Variants in DGKI observed in about 807,000 individuals in gnomAD.
DGKI encodes the protein diacylglycerol kinase iota, also known as DAG kinase iota.
Under a neutral mutation model 147.5 loss-of-function variants are expected in DGKI, and 55 were observed. That is an observed-to-expected ratio of 0.37 (90% CI 0.30 to 0.47). The LOEUF is 0.47. DGKI is among the 20% of genes least tolerant of loss of function. The pLI, the probability that DGKI is intolerant of heterozygous loss-of-function variation, is 1.00. For synonymous variants in DGKI, 469 were observed against 477.1 expected, an observed-to-expected ratio of 0.98 and a Z score of 0.22; for missense variants, 1,007 against 1,323.8, an observed-to-expected ratio of 0.76 and a Z score of 3.71.
intron 28 of DGKI, among the ~76,000 whole-genome samples, chr7:137,439,200 T>C (rs1336775930): frequency 6.6e-6 from 1 of 152,190 alleles, no homozygotes; most frequent in South Asian, 2.1e-4. Context: ...ATTTCAGTAA[T>C]ATACATGAAA....
At chr7:137,495,404 CAAAAAAAAAAA>C (rs36073500) in intron 21 of DGKI, among the ~76,000 whole-genome samples, 1 of 108,164 alleles carries the variant, frequency 9.2e-6, no homozygotes, top group Non-Finnish European at 2.0e-5. Flanking sequence ...AACTATTTAA[CAAAAAAAAAAA>C]AAGAAAGAAA....
chr7:137,717,333 TA>T (rs1695706347), intron 1 of DGKI, among the ~76,000 whole-genome samples: 1 of 152,220 alleles, frequency 6.6e-6, no homozygotes, highest in African/African-American at 2.4e-5. Context: ...AAAAATTGCA[TA>T]TTTTTTTTCT....
chr7:137,516,910 A>G (rs1816764045), intron 21 of DGKI, among the ~76,000 whole-genome samples: 1 of 151,984 alleles, frequency 6.6e-6, no homozygotes, highest in Non-Finnish European at 1.5e-5. Flanking sequence ...ACTTATTCCT[A>G]AAGAATAGAG....
intron 1 of DGKI, among the ~76,000 whole-genome samples, chr7:137,770,240 C>A (rs1041588103): frequency 2.6e-5 from 4 of 152,056 alleles, no homozygotes; most frequent in African/African-American, 7.2e-5. Flanking sequence ...ACTGCATGTT[C>A]TCTCTCATAA....
chr7:137,384,625 T>C lies in DGKI; in HGVS notation c.*6595A>G, dbSNP rs1310350515. 1.3e-5 allele frequency: 2 copies of C among 152,080 alleles called. No homozygotes were observed. Among genetic ancestry groups the C allele is most frequent in the African/African-American group, 4.8e-5 (2 of 41,426 alleles). The allele number at this position is 152,080 out of a possible 1,614,324, so 9.4% of individuals were successfully genotyped here. A position where few individuals can be genotyped will look rare whatever the true frequency, so the allele number is the denominator to read the frequency against. On this transcript the variant is annotated 3_prime_UTR_variant, in exon 33 of 33. Coordinates refer to ENST00000614521, the MANE Select transcript of DGKI (RefSeq NM_001321708.2). ...ATTCATCTAAAATGTATTATATGCA[T>C]TATTCACCTCGTTGGGGTTGTTTTG... is the stretch of plus-strand genomic sequence containing the variant.
At chr7:137,494,441 A>G (rs1815886382) in intron 21 of DGKI, among the ~76,000 whole-genome samples, 2 of 152,216 alleles carry the variant, frequency 1.3e-5, no homozygotes, top group Non-Finnish European at 2.9e-5. Flanking sequence ...GGTCACCTAC[A>G]AAGGAAACCC....
At chr7:137,685,434 C>T (rs1020768918) in intron 2 of DGKI, among the ~76,000 whole-genome samples, 1 of 152,078 alleles carries the variant, frequency 6.6e-6, no homozygotes, top group Non-Finnish European at 1.5e-5. Flanking sequence ...GGGCTCTCTG[C>T]TGCAGTACTA....
intron 1 of DGKI, among the ~76,000 whole-genome samples, chr7:137,726,429 A>G (rs1168793516): frequency 3.9e-5 from 6 of 152,214 alleles, no homozygotes. Flanking sequence ...CTATTCTGAG[A>G]AAATCAGGTA....
intron 27 of DGKI, among the ~76,000 whole-genome samples, chr7:137,459,419 A>G (rs1364077755): frequency 6.6e-6 from 1 of 150,952 alleles, no homozygotes; most frequent in Non-Finnish European, 1.5e-5. Context: ...TTTCTTTTAA[A>G]TCAGACTTCT....
At chr7:137,486,905 C>A (rs1815582717) in intron 22 of DGKI, among the ~76,000 whole-genome samples, 1 of 152,136 alleles carries the variant, frequency 6.6e-6, no homozygotes, top group Middle Eastern at 3.4e-3. Context: ...TAATATACAT[C>A]TTTCATCAAA....
intron 25 of DGKI, 60 bp from the exon 26 acceptor site, chr7:137,466,095 G>A (rs1292064151): frequency 7.6e-6 from 12 of 1,581,796 alleles, no homozygotes; most frequent in South Asian, 1.1e-5. Flanking sequence ...TCTTGGTCTC[G>A]AGGAATAATG....
chr7:137,735,522 T>G (rs1287392431), intron 1 of DGKI, among the ~76,000 whole-genome samples: 1 of 151,174 alleles, frequency 6.6e-6, no homozygotes, highest in Middle Eastern at 3.2e-3. Flanking sequence ...GTATATCTGA[T>G]GCATATGATG....
At chr7:137,444,222 A>G (rs1262207745) in intron 27 of DGKI, 120 bp from the exon 28 acceptor site, 1 of 610,044 alleles carries the variant, frequency 1.6e-6, no homozygotes, top group East Asian at 3.3e-5. Flanking sequence ...TATAGTAGAC[A>G]GTGTAATTAA....
At chr7:137,605,374 A>ATAAAAT (rs1272348713) in intron 10 of DGKI, among the ~76,000 whole-genome samples, 15 of 147,604 alleles carry the variant, frequency 1.0e-4, no homozygotes, top group Non-Finnish European at 2.1e-4. Context: ...ATAAAATAAA[A>ATAAAAT]TAAAAAAAGT....
chr7:137,527,041 T>C (rs552496588), intron 20 of DGKI, among the ~76,000 whole-genome samples: 2 of 152,244 alleles, frequency 1.3e-5, no homozygotes, highest in East Asian at 3.9e-4. Flanking sequence ...TATTAAGACA[T>C]GATAGCAAGT....
At position 137,495,620 on chromosome 7, in the gene DGKI, T is replaced by C. The variant is rs140578735; in HGVS notation, c.2249-7931A>G. Among the ~76,000 whole-genome samples, 431 of 151,458 alleles carry C rather than the reference T, an allele frequency of 2.8e-3. 4 individuals are homozygous for C. Among genetic ancestry groups the C allele is most frequent in the African/African-American group, 0.01 (422 of 41,242 alleles). On this transcript the variant is annotated intron_variant, in intron 21 of 32. Transcript: ENST00000614521. The stretch of plus-strand genomic sequence containing the variant: ...AGAAAGCTAATCTACCATGGTCAAG[T>C]AGGCTTTATCCCTGCGATGCAAGGT...
In DGKI at chr7:137,552,988, T is replaced by A. The variant is rs559244090; in HGVS notation, c.1948-420A>T. On this transcript the variant is annotated intron_variant, in intron 19 of 32. Transcript: ENST00000614521. ...ATAACCAAGGAGTCTCTGATAAACATACTAAAATTAGTAAAATTAACCACC... is the reference window on the plus strand; with the variant it reads ...ATAACCAAGGAGTCTCTGATAAACAAACTAAAATTAGTAAAATTAACCACC... Among the ~76,000 whole-genome samples the A allele has an allele frequency of 9.8e-5, 15 of 152,292 alleles. No individual in the cohort carries two copies. The South Asian group carries it at 3.1e-3, about 32-fold the overall frequency.
At chr7:137,677,537 C>T (rs2116386870) in intron 3 of DGKI, among the ~76,000 whole-genome samples, 1 of 152,250 alleles carries the variant, frequency 6.6e-6, no homozygotes, top group African/African-American at 2.4e-5. Flanking sequence ...CAAAAAAGGT[C>T]TTGGTTCTGG....
chr7:137,608,885 A>T, intron 10 of DGKI, 81 bp downstream of exon 10: 1 of 1,066,246 alleles, frequency 9.4e-7, no homozygotes, highest in Non-Finnish European at 1.4e-6. Flanking sequence ...TCCTAGTGGT[A>T]CTATTTTAAT....
Sources: gnomAD v4.1 joint callset for allele counts (sites outside exome capture counted in the v4.1 genomes callset) on GRCh38, gnomAD v4.1.1 for gene constraint, MANE v1.5 for transcripts, NCBI Gene and HGNC (gene_info 2026-07-23, HGNC 2026-07-21) for gene names.